Variants in NPPC observed in about 807,000 individuals in gnomAD.
NPPC encodes C-type natriuretic peptide.
Under a neutral mutation model 10.2 loss-of-function variants are expected in NPPC, and 4 were observed. The observed-to-expected ratio is 0.39, with a 90% CI of 0.19 to 0.90. NPPC has a LOEUF of 0.90. Ranked by LOEUF, NPPC falls within the 40% of genes least tolerant of loss-of-function variation. NPPC has a pLI of 0.37. For synonymous variants in NPPC, 83 were observed against 87.3 expected, an observed-to-expected ratio of 0.95 and a Z score of 0.27; for missense variants, 182 against 173.8, an observed-to-expected ratio of 1.05 and a Z score of -0.26.
rs947216240 is a variant in NPPC, at chr2:231,922,158, A to G, written c.*178T>C. Reference sequence around the variant, plus strand: ...TAATAAAATCACAACCCCCTCCCCAAATAATAATAAAACAGCTGGTGTTGT... The same window carrying G: ...TAATAAAATCACAACCCCCTCCCCAGATAATAATAAAACAGCTGGTGTTGT... On this transcript the variant is annotated 3_prime_UTR_variant, in exon 3 of 3. Coordinates refer to ENST00000409852, the MANE Select transcript of NPPC (RefSeq NM_024409.4). The G allele has an allele frequency of 1.3e-5, 2 of 151,866 alleles. No individual in the cohort carries two copies. The highest frequency in any genetic ancestry group is 2.9e-5 in the Non-Finnish European group (2 of 67,988). The allele number at this position is 151,866 out of a possible 1,614,324, so 9.4% of individuals were successfully genotyped here. A position where few individuals can be genotyped will look rare whatever the true frequency, so the allele number is the denominator to read the frequency against.
chr2:231,925,833 C>T, intron 1 of NPPC, 118 bp from the exon 2 acceptor site: 1 of 1,215,086 alleles, frequency 8.2e-7, no homozygotes, highest in Non-Finnish European at 1.1e-6. Flanking sequence ...CAGAGCCGCC[C>T]CCACCGATGC....
At chr2:231,922,878 G>A (rs145153395) in intron 2 of NPPC, among the ~76,000 whole-genome samples, 4 of 152,276 alleles carry the variant, frequency 2.6e-5, no homozygotes, top group East Asian at 1.9e-4. Flanking sequence ...GCCTCGGATC[G>A]GGCATCGGCA....
In NPPC at chr2:231,925,514, A is replaced by C; in HGVS notation, c.292T>G (p.Tyr98Asp). The change falls in exon 2 of 3, where the codon TAC (tyrosine) becomes GAC (aspartate). Residue 98 changes from tyrosine to aspartate, a missense_variant. Coordinates refer to ENST00000409852, the MANE Select transcript of NPPC (RefSeq NM_024409.4). ...AAGCCCTTCTTGTTGGCTCCTTTGT[A>C]TTTGCGCGCGTTGGGGTGCTCTTGC... ...LLQEHPNARK[Y>D]KGANKKGLSK... 5.0e-6 allele frequency: 8 copies of C among 1,612,972 alleles called. No individual in the cohort carries two copies. The highest frequency in any genetic ancestry group is 6.8e-6 in the Non-Finnish European group (8 of 1,179,698).
rs773687924 is a variant in NPPC, at chr2:231,925,553, A to G, written c.253T>C (p.Trp85Arg). Residue 85 changes from tryptophan to arginine, a missense_variant, in exon 2 of 3, where the codon TGG (tryptophan) becomes CGG (arginine). Trp to Arg is a moderately radical substitution (Grantham distance 101). Transcript: ENST00000409852. ...LRVDTKSRAA[W>R]ARLLQEHPNA... ...GGGTGCTCTTGCAGAAGGCGAGCCC[A>G]CGCTGCCCGCGACTTGGTGTCCACG... is the stretch of plus-strand genomic sequence containing the variant. The G allele has an allele frequency of 6.2e-6, 10 of 1,612,486 alleles. No individual in the cohort carries two copies. The highest frequency in any genetic ancestry group is 8.5e-6 in the Non-Finnish European group (10 of 1,179,656).
chr2:231,925,669 G>A lies in NPPC; in HGVS notation c.137C>T (p.Ala46Val). The A allele has an allele frequency of 1.9e-6, 3 of 1,598,042 alleles. No homozygotes were observed. Among genetic ancestry groups the A allele is most frequent in the Non-Finnish European group, 1.7e-6 (2 of 1,174,854 alleles). Residue 46 changes from alanine (A) to valine (V), a missense_variant, in exon 2 of 3, where the codon GCG becomes GTG. By Grantham distance (64) the Ala-to-Val change is moderately conservative (BLOSUM62 0). Coordinates refer to ENST00000409852, the MANE Select transcript of NPPC (RefSeq NM_024409.4). Reference sequence around the variant, plus strand: ...GTCGCCCTTCTTCTGACCGCCGCCCGCAGCCTGCGGCTCGGCCAGCTCCTC... The same window carrying A: ...GTCGCCCTTCTTCTGACCGCCGCCCACAGCCTGCGGCTCGGCCAGCTCCTC... Reference protein sequence around the residue: ...PAEELAEPQAAGGGQKKGDKA... With the variant: ...PAEELAEPQAVGGGQKKGDKA...
chr2:231,922,756 A>C (rs1431240472), intron 2 of NPPC, among the ~76,000 whole-genome samples: 2 of 152,214 alleles, frequency 1.3e-5, no homozygotes, highest in East Asian at 1.9e-4. Flanking sequence ...TCCTGGGCTC[A>C]AATCTCTACT....
In NPPC at chr2:231,926,363, C is replaced by A; in HGVS notation, c.-114G>T. The A allele has an allele frequency of 1.7e-6, 1 of 605,158 alleles. No individual in the cohort carries two copies. Among genetic ancestry groups the A allele is most frequent in the Non-Finnish European group, 2.4e-6 (1 of 415,484 alleles). The allele number at this position is 605,158 out of a possible 1,614,324, so 37.5% of individuals were successfully genotyped here. ...GGCTGGGCTGCAGGGCGAGCAGGGT[C>A]CCAGTGCTGCGCGGCGCCGGCTGGG... On this transcript the variant is annotated 5_prime_UTR_variant, in exon 1 of 3. Coordinates refer to ENST00000409852, the MANE Select transcript of NPPC (RefSeq NM_024409.4).
In NPPC at chr2:231,925,400, C is replaced by A; in HGVS notation, c.*20+5G>T. On this transcript the variant is annotated splice_donor_5th_base_variant and intron_variant, in intron 2 of 2. Transcript: ENST00000409852. Reference sequence around the variant, plus strand: ...GGGGCTGGGCGTCGGGTGGGCCGTACTCACCGCCGCCAGGGGGCGCCGCAC... The same window carrying A: ...GGGGCTGGGCGTCGGGTGGGCCGTAATCACCGCCGCCAGGGGGCGCCGCAC... 1 of 1,579,494 alleles carries A rather than the reference C, an allele frequency of 6.3e-7. No homozygotes were observed. The highest frequency in any genetic ancestry group is 8.6e-7 in the Non-Finnish European group (1 of 1,161,790).
chr2:231,924,192 T>C (rs150746651), intron 2 of NPPC, among the ~76,000 whole-genome samples: 49 of 152,352 alleles, frequency 3.2e-4, no homozygotes, highest in Non-Finnish European at 6.2e-4. Flanking sequence ...TTGACAAATA[T>C]TTCCACGAGT....
chr2:231,923,532 G>A (rs559507655), intron 2 of NPPC, among the ~76,000 whole-genome samples: 3 of 152,274 alleles, frequency 2.0e-5, no homozygotes, highest in South Asian at 4.1e-4. Context: ...GTGAGGGTGG[G>A]GTTTTTATTT....
chr2:231,922,952 A>G (rs576291320), intron 2 of NPPC, among the ~76,000 whole-genome samples: 3 of 152,314 alleles, frequency 2.0e-5, no homozygotes, highest in South Asian at 4.1e-4. Flanking sequence ...TGTGCAGAGG[A>G]AAGGGTCTGG....
Position 231,926,176 on chromosome 2 carries a change from G to C in NPPC, c.74C>G (p.Pro25Arg). Residue 25 changes from proline to arginine, a missense_variant, in exon 1 of 3, where the codon CCC (proline) becomes CGC (arginine). By Grantham distance (103) the Pro-to-Arg change is moderately radical. Coordinates refer to ENST00000409852, the MANE Select transcript of NPPC (RefSeq NM_024409.4). ...AGCACCCACCTTCGGCGGCGCCCCG[G>C]GCTTGGCTTCGGAGGGCCGGAGGGA... ...LLSLRPSEAK[P>R]GAPPKVPRTP... 7.6e-7 allele frequency: 1 copy of C among 1,307,544 alleles called. No individual in the cohort carries two copies. Among genetic ancestry groups the C allele is most frequent in the South Asian group, 2.5e-5 (1 of 40,364 alleles). 81.0% of individuals were successfully genotyped at this position (1,307,544 alleles called of 1,614,324 possible). A position where few individuals can be genotyped will look rare whatever the true frequency, so the allele number is the denominator to read the frequency against.
chr2:231,922,582 G>A (rs570694185), intron 2 of NPPC, among the ~76,000 whole-genome samples: 4 of 152,212 alleles, frequency 2.6e-5, no homozygotes, highest in Non-Finnish European at 5.9e-5. Flanking sequence ...TCTAACCACA[G>A]GCCTTGCCCT....
At position 231,922,699 on chromosome 2, in the gene NPPC, G is replaced by A. The variant is rs553843049; in HGVS notation, c.*21-384C>T. Among the ~76,000 whole-genome samples, 5 of 152,362 alleles carry A rather than the reference G, an allele frequency of 3.3e-5. No individual in the cohort carries two copies. In the South Asian group the frequency reaches 1.0e-3, roughly 32 times the overall value. On this transcript the variant is annotated intron_variant, in intron 2 of 2. Coordinates refer to ENST00000409852, the MANE Select transcript of NPPC (RefSeq NM_024409.4). The stretch of plus-strand genomic sequence containing the variant: ...GTGCTCGCCCGGGGTTCGTGTGTCT[G>A]AGTGACCATGGATGGAAGGAGAAGA...
chr2:231,924,849 A>C (rs1270793878), intron 2 of NPPC, among the ~76,000 whole-genome samples: 3 of 152,188 alleles, frequency 2.0e-5, no homozygotes, highest in African/African-American at 7.2e-5. Context: ...TCACCCCCGA[A>C]GCCACCAGGC....
At chr2:231,924,761 T>C (rs888841501) in intron 2 of NPPC, among the ~76,000 whole-genome samples, 6 of 152,240 alleles carry the variant, frequency 3.9e-5, no homozygotes, top group Middle Eastern at 6.8e-3. Context: ...TGGGACGTGT[T>C]GAGTTCGAGG....
At position 231,921,994 on chromosome 2, in the gene NPPC, AACAGCAATGTTTT is replaced by A. The variant is rs1432398030; in HGVS notation, c.*329_*341del. ...CATTTATGCATGACATGAATTTACA[AACAGCAATGTTTT>A]ACAGCTGGTTCTGTCAGTCTCTTAA... On this transcript the variant is annotated 3_prime_UTR_variant, in exon 3 of 3. Transcript: ENST00000409852. The A allele has an allele frequency of 6.6e-6, 1 of 151,782 alleles. No homozygotes were observed. The highest frequency in any genetic ancestry group is 1.9e-4 in the East Asian group (1 of 5,198). The allele number at this position is 151,782 out of a possible 1,614,324, so 9.4% of individuals were successfully genotyped here.
At chr2:231,924,316 A>G (rs149461867) in intron 2 of NPPC, among the ~76,000 whole-genome samples, 2 of 152,346 alleles carry the variant, frequency 1.3e-5, no homozygotes, top group East Asian at 3.9e-4. Flanking sequence ...TCTGTACTGT[A>G]AAAAAGAGAC....
At chr2:231,924,268 TG>T (rs1691969121) in intron 2 of NPPC, among the ~76,000 whole-genome samples, 1 of 152,200 alleles carries the variant, frequency 6.6e-6, no homozygotes, top group African/African-American at 2.4e-5. Flanking sequence ...CTGTTCAATA[TG>T]GAGAGGTGAA....
Sources: allele counts gnomAD v4.1 joint callset (sites outside exome capture counted in the v4.1 genomes callset), GRCh38; gene constraint gnomAD v4.1.1; transcripts MANE v1.5; gene names NCBI Gene and HGNC (gene_info 2026-07-23, HGNC 2026-07-21).